The following AFG2A variants were observed in gnomAD, a reference collection of about 807,000 sequenced individuals.
The protein encoded by AFG2A is AAA ATPase AFG2A, also known as ATPase family gene 2 protein homolog A.
At chr4:122,961,276 T>G in the AFG2A span, among the ~76,000 whole-genome samples, 1 of 152,212 alleles carries the variant, frequency 6.6e-6, no homozygotes, top group Non-Finnish European at 1.5e-5. Context: ...AAAAATTGTA[T>G]TTTACGTATA....
the AFG2A span, among the ~76,000 whole-genome samples, chr4:123,144,584 A>G: frequency 6.6e-6 from 1 of 152,134 alleles, no homozygotes; most frequent in African/African-American, 2.4e-5. Context: ...TAAACCACAC[A>G]GTAATTAAAA....
chr4:123,062,955 A>G, the AFG2A span, among the ~76,000 whole-genome samples: 49 of 152,310 alleles, frequency 3.2e-4, no homozygotes, highest in Middle Eastern at 3.4e-3. Context: ...ATGGGTCCCA[A>G]TTAAAGAGTT....
At chr4:123,006,104 G>GTTTT in the AFG2A span, among the ~76,000 whole-genome samples, 4 of 148,514 alleles carry the variant, frequency 2.7e-5, no homozygotes, top group Admixed American at 6.7e-5. Context: ...AACTTCTTCA[G>GTTTT]TTTTTTTTTT....
the AFG2A span, among the ~76,000 whole-genome samples, chr4:123,285,548 T>C: frequency 6.6e-6 from 1 of 152,126 alleles, no homozygotes; most frequent in Non-Finnish European, 1.5e-5. Context: ...CATGAGAGTG[T>C]ACCTTAGTGT....
the AFG2A span, among the ~76,000 whole-genome samples, chr4:122,947,817 T>C: frequency 1.3e-5 from 2 of 152,018 alleles, no homozygotes; most frequent in African/African-American, 4.8e-5. Context: ...GTTAAAACAG[T>C]AAAAAATAAT....
At chr4:123,261,842 T>C in the AFG2A span, among the ~76,000 whole-genome samples, 13 of 152,282 alleles carry the variant, frequency 8.5e-5, no homozygotes, top group South Asian at 1.0e-3. Flanking sequence ...TGCAGTGTCA[T>C]GATCATACCT....
chr4:122,989,472 C>G, the AFG2A span, among the ~76,000 whole-genome samples: 25 of 152,180 alleles, frequency 1.6e-4, no homozygotes, highest in African/African-American at 5.8e-4. Context: ...GAGCCTGTGT[C>G]TATGGGGGTG....
At chr4:123,097,656 A>G in the AFG2A span, among the ~76,000 whole-genome samples, 15,939 of 152,134 alleles carry the variant, frequency 0.1, 937 homozygotes, top group Middle Eastern at 0.2. Flanking sequence ...TTTAACTTCT[A>G]TGACAGTTAT....
the AFG2A span, among the ~76,000 whole-genome samples, chr4:122,949,371 T>G: frequency 7.9e-5 from 12 of 152,274 alleles, no homozygotes; most frequent in African/African-American, 2.9e-4. Flanking sequence ...ACTTGCTGCA[T>G]GAGGTGCTGT....
chr4:123,205,491 A>G, the AFG2A span, among the ~76,000 whole-genome samples: 1 of 152,348 alleles, frequency 6.6e-6, no homozygotes, highest in African/African-American at 2.4e-5. Context: ...CAAAAATTTA[A>G]ATGTTAACAC....
chr4:123,222,778 G>T, the AFG2A span, among the ~76,000 whole-genome samples: 1 of 152,098 alleles, frequency 6.6e-6, no homozygotes, highest in Non-Finnish European at 1.5e-5. Flanking sequence ...CAGTTAAGTA[G>T]AATCATGCTA....
the AFG2A span, among the ~76,000 whole-genome samples, chr4:122,941,009 C>T: frequency 7.9e-5 from 12 of 151,440 alleles, no homozygotes; most frequent in African/African-American, 2.9e-4. Context: ...GTTTTGGTAC[C>T]AGTACCATGC....
At chr4:123,164,912 A>G in the AFG2A span, among the ~76,000 whole-genome samples, 3 of 152,188 alleles carry the variant, frequency 2.0e-5, no homozygotes, top group South Asian at 2.1e-4. Context: ...TTCTGAATAT[A>G]TATTTCATGG....
chr4:123,241,468 C>A, the AFG2A span, among the ~76,000 whole-genome samples: 3,226 of 151,510 alleles, frequency 0.021, 63 homozygotes, highest in Non-Finnish European at 0.035. Flanking sequence ...GGATGCAAGG[C>A]TGTTTCAACA....
chr4:123,233,062 A>G, the AFG2A span, among the ~76,000 whole-genome samples: 98,245 of 151,858 alleles, frequency 0.65, 32,366 homozygotes, highest in Admixed American at 0.7. Flanking sequence ...TTAAAGTAGA[A>G]CTGCCTATTT....
At chr4:123,282,940 T>A in the AFG2A span, among the ~76,000 whole-genome samples, 1 of 152,144 alleles carries the variant, frequency 6.6e-6, no homozygotes, top group Admixed American at 6.6e-5. Flanking sequence ...GGAAAGTCAG[T>A]GTTTCTTCTG....
chr4:123,087,298 T>C, the AFG2A span, among the ~76,000 whole-genome samples: 1 of 152,164 alleles, frequency 6.6e-6, no homozygotes, highest in Non-Finnish European at 1.5e-5. Context: ...TTCACAATTT[T>C]CTCCCGTTAG....
the AFG2A span, among the ~76,000 whole-genome samples, chr4:123,123,481 CAT>C: frequency 6.6e-6 from 1 of 152,044 alleles, no homozygotes; most frequent in East Asian, 1.9e-4. Flanking sequence ...GATAACATCT[CAT>C]ATCAATTTTT....
the AFG2A span, among the ~76,000 whole-genome samples, chr4:123,158,489 A>G: frequency 0.022 from 3,332 of 152,312 alleles, 65 homozygotes; most frequent in Non-Finnish European, 0.035. Context: ...AAATAGGTAT[A>G]ACAATAGTAG....
Sources: gnomAD v4.1 joint callset for allele counts (sites outside exome capture counted in the v4.1 genomes callset) on GRCh38, gnomAD v4.1.1 for gene constraint, MANE v1.5 for transcripts, NCBI Gene and HGNC (gene_info 2026-07-23, HGNC 2026-07-21) for gene names.